Variants in APBB2 observed in about 807,000 individuals in gnomAD.
APBB2 encodes the protein Fe65-like 1.
A neutral mutation model predicts 82.5 loss-of-function variants in APBB2; 38 were observed. The observed-to-expected ratio is 0.46, with a 90% CI of 0.36 to 0.60. The LOEUF (loss-of-function observed/expected upper bound fraction) is 0.60. Ranked by LOEUF, APBB2 falls within the 20% of genes least tolerant of loss-of-function variation. APBB2 has a pLI of 0.00. For missense variants in APBB2, 772 were observed against 972.3 expected, an observed-to-expected ratio of 0.79 and a Z score of 2.74; for synonymous variants, 341 against 368.2, an observed-to-expected ratio of 0.93 and a Z score of 0.85.
At chr4:40,905,093 T>A (rs1367409497) in intron 10 of APBB2, among the ~76,000 whole-genome samples, 1 of 152,300 alleles carries the variant, frequency 6.6e-6, no homozygotes, top group African/African-American at 2.4e-5. Flanking sequence ...CAGGCCCTTC[T>A]ACAAAGAGGA....
Position 41,000,055 on chromosome 4 carries a change from A to G in APBB2, c.835+13528T>C, listed in dbSNP as rs1255042697. ...CGTGTGTGTGTGTGTATGTATATGT[A>G]TATATATGTGTGTATGTGTGTGTGT... On this transcript the variant is annotated intron_variant, in intron 6 of 17. Coordinates refer to ENST00000508593, the MANE Select transcript of APBB2 (RefSeq NM_004307.2). Among the ~76,000 whole-genome samples, 19 of 96,778 alleles carry G rather than the reference A, an allele frequency of 2.0e-4. No individual in the cohort carries two copies. The South Asian group carries it at 3.4e-3, about 17-fold the overall frequency. 63.5% of individuals were successfully genotyped at this position (96,778 alleles called of 152,430 possible).
Position 40,877,571 on chromosome 4 carries a change from C to A in APBB2, c.1529+12793G>T, listed in dbSNP as rs529316848. On this transcript the variant is annotated intron_variant, in intron 12 of 17. Coordinates refer to ENST00000508593, the MANE Select transcript of APBB2 (RefSeq NM_004307.2). ...GATTTGGTAATCAAAGAAGGGTCAA[C>A]TCTTTGAAAAATGGCATTAATGCCT... Among the ~76,000 whole-genome samples the A allele has an allele frequency of 2.0e-5, 3 of 152,266 alleles. No homozygotes were observed. In the East Asian group the frequency reaches 5.8e-4, roughly 29 times the overall value.
chr4:40,865,594 ATT>A (rs1763863252), intron 12 of APBB2, among the ~76,000 whole-genome samples: 2 of 152,206 alleles, frequency 1.3e-5, no homozygotes, highest in Non-Finnish European at 1.5e-5. Flanking sequence ...ACTTAGCATA[ATT>A]GTTGAGTGTA....
chr4:40,890,775 C>A, intron 11 of APBB2: 1 of 287,076 alleles, frequency 3.5e-6, no homozygotes. Flanking sequence ...TGAATCTTTA[C>A]GACAAAAGGC....
At chr4:41,034,535 G>T (rs1205321852) in intron 4 of APBB2, among the ~76,000 whole-genome samples, 1 of 152,232 alleles carries the variant, frequency 6.6e-6, no homozygotes, top group Non-Finnish European at 1.5e-5. Context: ...ATGTTGACCA[G>T]GTTGGTCTTG....
chr4:41,091,317 C>A (rs1156402889), intron 3 of APBB2, among the ~76,000 whole-genome samples: 2 of 152,012 alleles, frequency 1.3e-5, no homozygotes, highest in Admixed American at 6.5e-5. Context: ...CCAACCTCCA[C>A]TTCTGCACGT....
chr4:40,941,818 G>T (rs13125777), intron 7 of APBB2, among the ~76,000 whole-genome samples: 27,519 of 149,154 alleles, frequency 0.18, 2,668 homozygotes, highest in Non-Finnish European at 0.22. Flanking sequence ...TTTTTTTTTT[G>T]TAGAGATGGG....
chr4:41,013,978 C>T lies in APBB2; in HGVS notation c.440G>A (p.Ser147Asn), dbSNP rs771381811. 2 of 1,614,184 alleles carry T rather than the reference C, an allele frequency of 1.2e-6. No individual in the cohort carries two copies. Among genetic ancestry groups the T allele is most frequent in the East Asian group, 2.2e-5 (1 of 44,880 alleles). Reference sequence around the variant, plus strand: ...GGGCTGGGAGGGTAAAATCTCACAGCTCGAGGAATCCTGTGGGTGGGGCTC... The same window carrying T: ...GGGCTGGGAGGGTAAAATCTCACAGTTCGAGGAATCCTGTGGGTGGGGCTC... Reference protein sequence around the residue: ...GKEPHPQDSSSCEILPSQPRR... With the variant: ...GKEPHPQDSSNCEILPSQPRR... The change falls in exon 6 of 18, where the codon AGC (serine) becomes AAC (asparagine). Residue 147 changes from serine (S) to asparagine (N), a missense_variant. Coordinates refer to ENST00000508593, the MANE Select transcript of APBB2 (RefSeq NM_004307.2).
intron 6 of APBB2, among the ~76,000 whole-genome samples, chr4:40,988,637 C>CAAAA (rs1310590730): frequency 7.2e-4 from 22 of 30,644 alleles, no homozygotes; most frequent in African/African-American, 2.7e-3. Flanking sequence ...GACTCCGTCT[C>CAAAA]AAAAAAAAAA....
intron 6 of APBB2, among the ~76,000 whole-genome samples, chr4:40,964,962 T>C (rs888961827): frequency 2.6e-5 from 4 of 151,824 alleles, no homozygotes; most frequent in Non-Finnish European, 5.9e-5. Context: ...CTACTAAAAA[T>C]ATAAAAAATT....
intron 2 of APBB2, among the ~76,000 whole-genome samples, chr4:41,130,076 C>T (rs1224095982): frequency 6.6e-6 from 1 of 152,144 alleles, no homozygotes; most frequent in Non-Finnish European, 1.5e-5. Flanking sequence ...GAAGAGAACA[C>T]AAGAAGAACC....
chr4:41,015,972 C>T (rs1233520955), intron 5 of APBB2, among the ~76,000 whole-genome samples: 1 of 152,062 alleles, frequency 6.6e-6, no homozygotes, highest in East Asian at 1.9e-4. Context: ...ACTATTATAC[C>T]ATTTTATGGG....
intron 12 of APBB2, among the ~76,000 whole-genome samples, chr4:40,838,875 T>G (rs1166298410): frequency 6.6e-6 from 1 of 152,228 alleles, no homozygotes; most frequent in African/African-American, 2.4e-5. Context: ...TGTTTACCTC[T>G]CTTCCAAAAG....
At chr4:41,213,774 G>T (rs1779920662) in intron 1 of APBB2, among the ~76,000 whole-genome samples, 1 of 152,144 alleles carries the variant, frequency 6.6e-6, no homozygotes, top group Admixed American at 6.5e-5. Context: ...CCATTTTCTA[G>T]TTAAACGCTC....
chr4:41,164,324 T>C (rs1186553044), intron 1 of APBB2, among the ~76,000 whole-genome samples: 1 of 152,196 alleles, frequency 6.6e-6, no homozygotes, highest in African/African-American at 2.4e-5. Context: ...ACATGAGGGG[T>C]ACTCACCTTG....
intron 10 of APBB2, among the ~76,000 whole-genome samples, chr4:40,932,927 G>A (rs1303021568): frequency 2.0e-5 from 3 of 152,128 alleles, no homozygotes; most frequent in East Asian, 3.9e-4. Context: ...GCAGTGGCGC[G>A]ATCTCAGCTC....
chr4:41,094,427 A>C (rs1742807946), intron 3 of APBB2, among the ~76,000 whole-genome samples: 1 of 152,242 alleles, frequency 6.6e-6, no homozygotes, highest in South Asian at 2.1e-4. Context: ...CCATCAGTCC[A>C]AACACCAAAC....
At chr4:41,122,924 C>T (rs1359066935) in intron 2 of APBB2, among the ~76,000 whole-genome samples, 1 of 152,168 alleles carries the variant, frequency 6.6e-6, no homozygotes, top group Non-Finnish European at 1.5e-5. Context: ...TCCAGAACAG[C>T]ATTCCCATTC....
At chr4:41,002,948 A>T (rs1194438512) in intron 6 of APBB2, among the ~76,000 whole-genome samples, 1 of 152,118 alleles carries the variant, frequency 6.6e-6, no homozygotes, top group Non-Finnish European at 1.5e-5. Context: ...TCTTGAACTA[A>T]CATAAGAAAA....
Sources: allele counts gnomAD v4.1 joint callset (sites outside exome capture counted in the v4.1 genomes callset), GRCh38; gene constraint gnomAD v4.1.1; transcripts MANE v1.5; gene names NCBI Gene and HGNC (gene_info 2026-07-23, HGNC 2026-07-21).